Variants in MTAP observed in about 807,000 individuals in gnomAD.
MTAP encodes the protein S-methyl-5'-thioadenosine phosphorylase.
A neutral mutation model predicts 33.6 loss-of-function variants in MTAP; 33 were observed. The observed-to-expected ratio is 0.98, with a 90% CI of 0.74 to 1.31. The LOEUF is 1.31. Ranked by LOEUF, MTAP falls within the 40% of genes most tolerant of loss-of-function variation. MTAP has a pLI of 0.00. For missense variants in MTAP, 367 were observed against 360.0 expected (o/e 1.02, Z -0.16); for synonymous variants, 148 against 125.7 (o/e 1.18, Z -1.19).
chr9:21,913,436 G>C (rs1413634555), intron 1 of MTAP, among the ~76,000 whole-genome samples: 1 of 152,132 alleles, frequency 6.6e-6, no homozygotes, highest in African/African-American at 2.4e-5. Flanking sequence ...CAGAGATATA[G>C]ACCAATGGAA....
At chr9:21,900,514 A>G (rs1222852144) in intron 1 of MTAP, among the ~76,000 whole-genome samples, 1 of 152,170 alleles carries the variant, frequency 6.6e-6, no homozygotes, top group African/African-American at 2.4e-5. Context: ...AGCCAAAAAT[A>G]TCAGAAGCTG....
intron 4 of MTAP, among the ~76,000 whole-genome samples, chr9:21,832,518 T>C (rs973939968): frequency 6.6e-6 from 1 of 152,210 alleles, no homozygotes; most frequent in African/African-American, 2.4e-5. Context: ...ACCTCCACCT[T>C]TATAGAGAAG....
At chr9:21,933,428 A>C (rs1818995179), downstream of MTAP, 1 of 152,184 alleles carries the variant, frequency 6.6e-6, no homozygotes, top group Non-Finnish European at 1.5e-5. Flanking sequence ...AACAAACCTT[A>C]CCTTTGTTTA....
chr9:21,813,363 T>C (rs1200695577), intron 1 of MTAP, among the ~76,000 whole-genome samples: 2 of 152,230 alleles, frequency 1.3e-5, no homozygotes, highest in African/African-American at 4.8e-5. Context: ...CTTGCTTTCA[T>C]GTCCAGGGCT....
chr9:21,803,204 G>C (rs1824110658), intron 1 of MTAP: 1 of 357,894 alleles, frequency 2.8e-6, no homozygotes, highest in Admixed American at 4.7e-5. Flanking sequence ...GGCGCCTGCA[G>C]CTTCTGTGAC....
intron 5 of MTAP, among the ~76,000 whole-genome samples, chr9:21,842,040 A>G (rs1825260207): frequency 6.6e-6 from 1 of 152,220 alleles, no homozygotes; most frequent in South Asian, 2.1e-4. Flanking sequence ...ACAATACAGG[A>G]TATGGATGAA....
intron 5 of MTAP, among the ~76,000 whole-genome samples, chr9:21,854,263 G>A (rs1825582747): frequency 6.6e-6 from 1 of 152,214 alleles, no homozygotes; most frequent in African/African-American, 2.4e-5. Flanking sequence ...TAGCCTGCGA[G>A]GTTAAAAGTT....
At chr9:21,890,507 C>T (rs534997115) in intron 1 of MTAP, among the ~76,000 whole-genome samples, 226 of 152,276 alleles carry the variant, frequency 1.5e-3, no homozygotes, top group African/African-American at 5.1e-3. Flanking sequence ...CAGAGTTCAA[C>T]TGGACGTTTT....
chr9:21,936,432 T>G (rs1454159145), exon 8 of MTAP: 1 of 152,248 alleles, frequency 6.6e-6, no homozygotes, highest in Admixed American at 6.5e-5. Context: ...CAATAGCTTC[T>G]CATTGTTAAC....
rs78022627 is a variant in MTAP, at chr9:21,908,838, C to T, written c.148-22170C>T. Among the ~76,000 whole-genome samples, 260 of 151,928 alleles carry T rather than the reference C, an allele frequency of 1.7e-3. 9 individuals are homozygous for T. The East Asian group carries it at 0.044, about 26-fold the overall frequency. On this transcript the variant is annotated intron_variant, in intron 1 of 1. Coordinates refer to the MTAP transcript ENST00000577563. ...TATACTTGATATTACATTATATATACATAACTTATCACAGTCTATTGTGTC... is the reference window on the plus strand; with the variant it reads ...TATACTTGATATTACATTATATATATATAACTTATCACAGTCTATTGTGTC...
intron 4 of MTAP, among the ~76,000 whole-genome samples, chr9:21,823,525 C>T (rs1587213476): frequency 6.6e-6 from 1 of 152,328 alleles, no homozygotes; most frequent in East Asian, 1.9e-4. Flanking sequence ...CCCGACCTTT[C>T]TCTCTGGCTG....
chr9:21,873,610 GCC>G (rs1214638550), intron 1 of MTAP, among the ~76,000 whole-genome samples: 1 of 76,162 alleles, frequency 1.3e-5, no homozygotes, highest in African/African-American at 7.0e-5. Flanking sequence ...TTCCACCCCC[GCC>G]CCCCACCCCA....
chr9:21,874,889 C>A (rs1382804041), intron 1 of MTAP, among the ~76,000 whole-genome samples: 1 of 152,022 alleles, frequency 6.6e-6, no homozygotes, highest in Admixed American at 6.6e-5. Context: ...GTTCCCCTCC[C>A]TGTGTCCATG....
At chr9:21,889,623 G>T (rs907570850) in intron 1 of MTAP, among the ~76,000 whole-genome samples, 5 of 152,014 alleles carry the variant, frequency 3.3e-5, no homozygotes, top group African/African-American at 1.2e-4. Flanking sequence ...CCTAGGGATG[G>T]GGCTTCCTGA....
intron 1 of MTAP, among the ~76,000 whole-genome samples, chr9:21,915,003 C>CT (rs1272918012): frequency 1.4e-4 from 2 of 13,818 alleles, no homozygotes; most frequent in African/African-American, 7.2e-4. Context: ...TGTTTTCTTT[C>CT]CTTCCTTCCT....
chr9:21,814,797 C>T (rs1824436861), intron 1 of MTAP, among the ~76,000 whole-genome samples: 1 of 152,112 alleles, frequency 6.6e-6, no homozygotes, highest in Non-Finnish European at 1.5e-5. Flanking sequence ...ATATTTACAA[C>T]ATGTAAATAT....
intron 4 of MTAP, among the ~76,000 whole-genome samples, chr9:21,832,245 C>A (rs747709722): frequency 2.6e-5 from 4 of 152,184 alleles, no homozygotes; most frequent in Non-Finnish European, 5.9e-5. Context: ...GAGACCAGCC[C>A]TGCCTTGGGC....
intron 1 of MTAP, among the ~76,000 whole-genome samples, chr9:21,882,557 C>T (rs892058347): frequency 6.6e-6 from 1 of 151,980 alleles, no homozygotes; most frequent in South Asian, 2.1e-4. Context: ...TTCTATTTTT[C>T]TCTCTTACAA....
intron 4 of MTAP, among the ~76,000 whole-genome samples, chr9:21,828,750 G>A (rs911081356): frequency 2.6e-5 from 4 of 152,110 alleles, no homozygotes; most frequent in Admixed American, 6.5e-5. Context: ...ACTTATTTGG[G>A]GTGATAACGT....
Sources: allele counts gnomAD v4.1 joint callset (sites outside exome capture counted in the v4.1 genomes callset), GRCh38; gene constraint gnomAD v4.1.1; transcripts MANE v1.5; gene names NCBI Gene and HGNC (gene_info 2026-07-23, HGNC 2026-07-21).